IGF1R: variants seen among roughly 807,000 people sequenced by gnomAD.
IGF1R encodes the protein insulin-like growth factor 1 receptor.
IGF1R carries 44 observed loss-of-function variants against 144.6 expected under a neutral mutation model. The observed-to-expected ratio is 0.30, with a 90% CI of 0.24 to 0.39. The LOEUF is 0.39. Ranked by LOEUF, IGF1R falls within the 10% of genes least tolerant of loss-of-function variation. The pLI is 1.00. For missense variants in IGF1R, 1,355 were observed against 1,833.7 expected (o/e 0.74, Z 4.77); for synonymous variants, 795 against 722.8 (o/e 1.10, Z -1.60).
chr15:98,844,175 A>G (rs918685066), intron 2 of IGF1R, among the ~76,000 whole-genome samples: 2 of 152,210 alleles, frequency 1.3e-5, no homozygotes, highest in Non-Finnish European at 2.9e-5. Flanking sequence ...TTATAAATTA[A>G]TGCTTTTATG....
intron 1 of IGF1R, among the ~76,000 whole-genome samples, chr15:98,687,446 A>G (rs970291453): frequency 6.6e-6 from 1 of 152,234 alleles, no homozygotes; most frequent in Admixed American, 6.5e-5. Context: ...GTAAAGGAAT[A>G]TCGGGAGCTG....
chr15:98,908,938 CATG>C (rs778601597), intron 6 of IGF1R, 39 bp downstream of exon 6: 74 of 1,563,650 alleles, frequency 4.7e-5, no homozygotes, highest in Non-Finnish European at 6.5e-5. Context: ...GCCCAACCAT[CATG>C]ATAACAGCAG....
rs933447168 is a variant in IGF1R at position 98,707,455 on chromosome 15, TTAA to T, written c.95-98_95-96del. The T allele has an allele frequency of 2.6e-6, 3 of 1,161,472 alleles. No individual in the cohort carries two copies. Among genetic ancestry groups the T allele is most frequent in the African/African-American group, 3.1e-5 (2 of 65,436 alleles). 71.9% of individuals were successfully genotyped at this position (1,161,472 alleles called of 1,614,324 possible). A position where few individuals can be genotyped will look rare whatever the true frequency, so the allele number is the denominator to read the frequency against. On this transcript the variant is annotated intron_variant, in intron 1 of 20. Coordinates refer to ENST00000650285, the MANE Select transcript of IGF1R (RefSeq NM_000875.5). The surrounding 1 kb of genome is among the most constrained non-coding windows in gnomAD (Gnocchi z 6.7). ...CAGTGAACAATTGAACCTCATTTCT[TTAA>T]TAATAATACAGGATTCCTGAAAACC...
intron 15 of IGF1R, among the ~76,000 whole-genome samples, chr15:98,933,906 G>A (rs1451558863): frequency 1.3e-5 from 2 of 152,198 alleles, no homozygotes; most frequent in African/African-American, 2.4e-5. Flanking sequence ...AAGGCTGGGG[G>A]ACACTTGGAC....
At chr15:98,658,970 A>G (rs1183805152) in intron 1 of IGF1R, among the ~76,000 whole-genome samples, 1 of 152,230 alleles carries the variant, frequency 6.6e-6, no homozygotes, top group Non-Finnish European at 1.5e-5. Flanking sequence ...TAGAAATCAA[A>G]TTCGTACACA....
rs768200688 is a variant in IGF1R at position 98,957,474 on chromosome 15, C to T, written c.*32C>T. The T allele has an allele frequency of 1.4e-5, 23 of 1,611,664 alleles. No homozygotes were observed. The highest frequency in any genetic ancestry group is 5.0e-5 in the Admixed American group (3 of 60,006). The stretch of plus-strand genomic sequence containing the variant: ...GATCCTGAATCTGTGCAAACAGTAA[C>T]GTGTGCGCACGCGCAGCGGGGTGGG... On this transcript the variant is annotated 3_prime_UTR_variant, in exon 21 of 21. Coordinates refer to ENST00000650285, the MANE Select transcript of IGF1R (RefSeq NM_000875.5).
intron 1 of IGF1R, among the ~76,000 whole-genome samples, chr15:98,670,899 T>C (rs1029960506): frequency 6.6e-6 from 1 of 152,340 alleles, no homozygotes; most frequent in Admixed American, 6.5e-5. Flanking sequence ...TTAATTTCTG[T>C]AGAAAATAAC....
In IGF1R at chr15:98,858,511, C is replaced by T. The variant is rs188595201; in HGVS notation, c.641-32814C>T. 1.2e-4 allele frequency among the ~76,000 whole-genome samples: 19 copies of T among 152,288 alleles called. No individual in the cohort carries two copies. In the East Asian group the frequency reaches 3.7e-3, roughly 29 times the overall value. On this transcript the variant is annotated intron_variant, in intron 2 of 20. Transcript: ENST00000650285. The stretch of plus-strand genomic sequence containing the variant: ...AATAGAAAAATATTTCCAACTTAAT[C>T]CTCCCTCTCCCCTCTTGAAATGAAT...
rs28674628 is a variant in IGF1R at position 98,962,599 on chromosome 15, A to G, written c.*5157A>G. 0.018 allele frequency: 4,261 copies of G among 233,648 alleles called. 48 individuals carry two copies. The highest frequency in any genetic ancestry group is 0.037 in the Middle Eastern group (29 of 786). 14.5% of individuals were successfully genotyped at this position (233,648 alleles called of 1,614,324 possible). On this transcript the variant is annotated 3_prime_UTR_variant, in exon 21 of 21. Coordinates refer to ENST00000650285, the MANE Select transcript of IGF1R (RefSeq NM_000875.5). ...AGATGACTGGTTGCGTCATTTGGAG[A>G]AGTGAGTGCTCCTTGATGGTGGAAT...
intron 2 of IGF1R, among the ~76,000 whole-genome samples, chr15:98,713,362 G>T (rs1049783248): frequency 1.3e-5 from 2 of 152,158 alleles, no homozygotes; most frequent in Admixed American, 1.3e-4. Context: ...GCAGTCTTCG[G>T]TGAGCCAGTT....
intron 2 of IGF1R, among the ~76,000 whole-genome samples, chr15:98,708,795 G>A (rs1245934638): frequency 6.6e-6 from 1 of 152,164 alleles, no homozygotes; most frequent in Non-Finnish European, 1.5e-5. Flanking sequence ...TTCTGTTTTC[G>A]TTCTTTTATA....
chr15:98,782,592 C>T (rs2055885022), intron 2 of IGF1R, among the ~76,000 whole-genome samples: 1 of 152,164 alleles, frequency 6.6e-6, no homozygotes, highest in Non-Finnish European at 1.5e-5. Context: ...CGGACCTGCT[C>T]TTTATGCATT....
At chr15:98,877,050 A>G (rs1420295649) in intron 2 of IGF1R, among the ~76,000 whole-genome samples, 2 of 152,242 alleles carry the variant, frequency 1.3e-5, no homozygotes, top group Non-Finnish European at 2.9e-5. Context: ...ACCAGATCAA[A>G]GGAGAGGTGA....
chr15:98,930,182 C>T, intron 14 of IGF1R, 53 bp from the exon 15 acceptor site: 2 of 1,199,290 alleles, frequency 1.7e-6, no homozygotes, highest in South Asian at 1.2e-5. Flanking sequence ...AAAGTATATA[C>T]AGGAATGTAT....
chr15:98,910,804 A>T lies in IGF1R; in HGVS notation c.1463-511A>T, dbSNP rs1199105795. ...CCTGTGTCCTTCCAGTTTGATACCA[A>T]GTTTAGACCAAGAAAAGTTCCTTTC... is the stretch of plus-strand genomic sequence containing the variant. On this transcript the variant is annotated intron_variant, in intron 6 of 20. Transcript: ENST00000650285. 2.6e-5 allele frequency among the ~76,000 whole-genome samples: 4 copies of T among 152,176 alleles called. No individual in the cohort carries two copies. In the East Asian group the frequency reaches 7.7e-4, roughly 29 times the overall value.
At chr15:98,881,332 TA>T (rs1216243451) in intron 2 of IGF1R, among the ~76,000 whole-genome samples, 3 of 152,238 alleles carry the variant, frequency 2.0e-5, no homozygotes, top group African/African-American at 7.2e-5. Context: ...TTTATTTATT[TA>T]TTTTTGAGAT....
At chr15:98,774,746 A>G (rs964022968) in intron 2 of IGF1R, among the ~76,000 whole-genome samples, 1 of 152,136 alleles carries the variant, frequency 6.6e-6, no homozygotes, top group Non-Finnish European at 1.5e-5. Context: ...CTTTTGCAAG[A>G]TGGAAAAAGT....
At chr15:98,713,504 T>C (rs1333743205) in intron 2 of IGF1R, among the ~76,000 whole-genome samples, 1 of 152,300 alleles carries the variant, frequency 6.6e-6, no homozygotes, top group Non-Finnish European at 1.5e-5. Flanking sequence ...CTCTTTTCTT[T>C]CCTGCCATTG....
intron 19 of IGF1R, among the ~76,000 whole-genome samples, chr15:98,944,762 G>A (rs1460316821): frequency 1.3e-5 from 2 of 152,254 alleles, no homozygotes; most frequent in Non-Finnish European, 2.9e-5. Flanking sequence ...TGCTGGTTGA[G>A]CTTCTGCTAA....
Sources: allele counts gnomAD v4.1 joint callset (sites outside exome capture counted in the v4.1 genomes callset), GRCh38; gene constraint gnomAD v4.1.1; non-coding constraint Gnocchi (gnomAD v3.1); transcripts MANE v1.5; gene names NCBI Gene and HGNC (gene_info 2026-07-23, HGNC 2026-07-21).